DISP1: variants seen among roughly 807,000 people sequenced by gnomAD.
DISP1 encodes dispatched RND transporter family member 1.
DISP1 carries 30 observed loss-of-function variants against 37.3 expected under a neutral mutation model. The ratio of observed to expected loss-of-function variants is 0.80; its 90% CI spans 0.60 to 1.09. The LOEUF (loss-of-function observed/expected upper bound fraction) is 1.09, where lower values mean the gene tolerates loss of function less well. Among genes scored for constraint, DISP1 ranks in the 50% least tolerant of loss-of-function variants. The pLI is 0.00. For synonymous variants in DISP1, 634 were observed against 690.2 expected (o/e 0.92, Z 1.28); for missense variants, 1,598 against 1,879.5 (o/e 0.85, Z 2.77).
At chr1:222,818,147 T>TG (rs922372623) in intron 1 of DISP1, among the ~76,000 whole-genome samples, 4 of 150,586 alleles carry the variant, frequency 2.7e-5, no homozygotes, top group South Asian at 4.3e-4. Context: ...ATGATTTGCA[T>TG]GGGGGGGTGG....
At chr1:222,861,412 A>G (rs763129720) in intron 1 of DISP1, among the ~76,000 whole-genome samples, 8 of 152,162 alleles carry the variant, frequency 5.3e-5, no homozygotes, top group Non-Finnish European at 8.8e-5. Context: ...TTTGTTCACT[A>G]TTTATTCAGT....
intron 3 of DISP1, among the ~76,000 whole-genome samples, chr1:222,944,835 A>G (rs111822242): frequency 2.3e-3 from 347 of 152,356 alleles, no homozygotes; most frequent in African/African-American, 8.0e-3. Context: ...ATTGCTGAGT[A>G]GTAATCCACT....
intron 1 of DISP1, among the ~76,000 whole-genome samples, chr1:222,830,527 C>T (rs1261611983): frequency 3.3e-5 from 5 of 152,178 alleles, no homozygotes; most frequent in East Asian, 1.9e-4. Context: ...ACTATAGGCG[C>T]GTGTCACCAT....
At chr1:222,989,173 C>T (rs1678499323) in intron 4 of DISP1, among the ~76,000 whole-genome samples, 1 of 151,960 alleles carries the variant, frequency 6.6e-6, no homozygotes, top group Non-Finnish European at 1.5e-5. Context: ...TTTAGAGCCA[C>T]CAGAATTATT....
intron 3 of DISP1, among the ~76,000 whole-genome samples, chr1:222,946,354 A>G (rs1674777909): frequency 6.9e-6 from 1 of 145,390 alleles, no homozygotes; most frequent in African/African-American, 2.6e-5. Context: ...ACTGCACTCC[A>G]GCCTGGGCGA....
At chr1:222,991,772 T>C in intron 6 of DISP1, 125 bp downstream of exon 6, 3 of 1,119,904 alleles carry the variant, frequency 2.7e-6, no homozygotes, top group Admixed American at 2.3e-5. Flanking sequence ...TGCCACTGAA[T>C]TTGCTTAACT....
At chr1:222,934,082 G>A (rs1398004693) in intron 2 of DISP1, among the ~76,000 whole-genome samples, 2 of 151,886 alleles carry the variant, frequency 1.3e-5, no homozygotes, top group African/African-American at 2.4e-5. Flanking sequence ...GGGAAATATC[G>A]AATTCATAGG....
chr1:222,867,121 T>C (rs1669238437), intron 1 of DISP1, among the ~76,000 whole-genome samples: 1 of 152,218 alleles, frequency 6.6e-6, no homozygotes, highest in South Asian at 2.1e-4. Flanking sequence ...AATCAATGAA[T>C]CTTAGAAGCT....
At chr1:222,962,671 CA>C (rs1341676438) in intron 3 of DISP1, among the ~76,000 whole-genome samples, 4 of 152,140 alleles carry the variant, frequency 2.6e-5, no homozygotes, top group African/African-American at 9.7e-5. Flanking sequence ...CAAAAACAAG[CA>C]ATGGGAAAAG....
At chr1:222,987,503 A>G (rs1678364784) in intron 4 of DISP1, among the ~76,000 whole-genome samples, 1 of 152,248 alleles carries the variant, frequency 6.6e-6, no homozygotes. Context: ...GAAATCACTA[A>G]TGCCATAAAG....
At chr1:222,847,839 A>G (rs1209810397) in intron 1 of DISP1, among the ~76,000 whole-genome samples, 2 of 152,188 alleles carry the variant, frequency 1.3e-5, no homozygotes, top group African/African-American at 4.8e-5. Context: ...AGAAGAAAGG[A>G]AGGAGCCATG....
intron 1 of DISP1, among the ~76,000 whole-genome samples, chr1:222,839,002 A>G (rs894720053): frequency 2.6e-5 from 4 of 152,156 alleles, no homozygotes; most frequent in Non-Finnish European, 5.9e-5. Context: ...AATACTAAAA[A>G]TCTTGGGAAC....
At chr1:222,977,098 C>G (rs1400677075) in intron 3 of DISP1, among the ~76,000 whole-genome samples, 2 of 152,124 alleles carry the variant, frequency 1.3e-5, no homozygotes, top group African/African-American at 4.8e-5. Context: ...GGCGCGATCT[C>G]GGTTCACCGC....
intron 1 of DISP1, among the ~76,000 whole-genome samples, chr1:222,911,560 A>G (rs1363629572): frequency 1.3e-5 from 2 of 151,784 alleles, no homozygotes; most frequent in African/African-American, 4.8e-5. Flanking sequence ...GCTGGATTGC[A>G]GTGGTGCAGT....
chr1:222,943,351 T>C lies in DISP1; in HGVS notation c.509+19T>C. The C allele has an allele frequency of 6.2e-7, 1 of 1,614,236 alleles. No individual in the cohort carries two copies. The highest frequency in any genetic ancestry group is 8.5e-7 in the Non-Finnish European group (1 of 1,180,042). On this transcript the variant is annotated intron_variant, in intron 3 of 8. Coordinates refer to ENST00000675850, the MANE Select transcript of DISP1 (RefSeq NM_001377229.1). ...ACATAAGGTAAGTGATCCGAAAGTT[T>C]TGCTTTTAGCATTCAACTAATGCCA...
At chr1:222,928,047 G>C (rs1673182584) in intron 1 of DISP1, among the ~76,000 whole-genome samples, 2 of 152,230 alleles carry the variant, frequency 1.3e-5, no homozygotes, top group South Asian at 4.1e-4. Context: ...TTTAAATGTA[G>C]TAGCACTGTG....
chr1:222,932,488 T>C (rs530264414), intron 2 of DISP1, among the ~76,000 whole-genome samples: 1 of 152,110 alleles, frequency 6.6e-6, no homozygotes, highest in East Asian at 1.9e-4. Context: ...ACTACTTATA[T>C]AGGAGAACTT....
intron 1 of DISP1, among the ~76,000 whole-genome samples, chr1:222,863,500 G>T (rs985447240): frequency 2.0e-5 from 3 of 150,182 alleles, no homozygotes; most frequent in Non-Finnish European, 4.4e-5. Flanking sequence ...TTCTACCATT[G>T]TACTCCAGCA....
chr1:222,984,425 T>A (rs1356028977), intron 4 of DISP1, among the ~76,000 whole-genome samples: 1,259 of 107,552 alleles, frequency 0.012, 74 homozygotes, highest in African/African-American at 0.045. Context: ...AAAAAAAATA[T>A]ATATATATAT....
Sources: gnomAD v4.1 joint callset for allele counts (sites outside exome capture counted in the v4.1 genomes callset) on GRCh38, gnomAD v4.1.1 for gene constraint, MANE v1.5 for transcripts, NCBI Gene and HGNC (gene_info 2026-07-23, HGNC 2026-07-21) for gene names.